The following RSU1 variants were observed in gnomAD, a reference collection of about 807,000 sequenced individuals.
RSU1 encodes the protein rsu-1.
Under a neutral mutation model 31.1 loss-of-function variants are expected in RSU1, and 26 were observed. The observed-to-expected ratio is 0.84, with a 90% CI of 0.61 to 1.16. RSU1 has a LOEUF of 1.16. RSU1 is among the 50% of genes most tolerant of loss of function. The pLI is 0.00. For missense variants in RSU1, 320 were observed against 339.1 expected, an observed-to-expected ratio of 0.94 and a Z score of 0.44; for synonymous variants, 164 against 136.3, an observed-to-expected ratio of 1.20 and a Z score of -1.41.
At chr10:16,674,730 G>A (rs530928488) in intron 8 of RSU1, among the ~76,000 whole-genome samples, 3 of 152,222 alleles carry the variant, frequency 2.0e-5, no homozygotes, top group African/African-American at 4.8e-5. Context: ...GCAAGCCTAA[G>A]GTCATTTAGA....
chr10:16,704,943 G>A (rs767694451), intron 7 of RSU1, among the ~76,000 whole-genome samples: 1 of 151,894 alleles, frequency 6.6e-6, no homozygotes, highest in Non-Finnish European at 1.5e-5. Flanking sequence ...GTAATTTTGT[G>A]CAAACACCAC....
chr10:16,695,512 T>C (rs1364577637), intron 7 of RSU1, among the ~76,000 whole-genome samples: 1 of 152,214 alleles, frequency 6.6e-6, no homozygotes, highest in Non-Finnish European at 1.5e-5. Context: ...GTATGCATCA[T>C]GCCTTGTCCT....
chr10:16,706,493 T>G (rs1835906220), intron 7 of RSU1, among the ~76,000 whole-genome samples: 1 of 152,240 alleles, frequency 6.6e-6, no homozygotes, highest in East Asian at 1.9e-4. Context: ...CTATATACTC[T>G]AAATTTTAAT....
At chr10:16,761,623 G>T (rs551351027) in intron 4 of RSU1, among the ~76,000 whole-genome samples, 1 of 152,110 alleles carries the variant, frequency 6.6e-6, no homozygotes, top group Non-Finnish European at 1.5e-5. Flanking sequence ...TTGGGAGGCC[G>T]AGGCGGGTGG....
intron 8 of RSU1, among the ~76,000 whole-genome samples, chr10:16,655,137 AAT>A: frequency 6.6e-6 from 1 of 152,132 alleles, no homozygotes; most frequent in Admixed American, 6.6e-5. Flanking sequence ...AATGCAATCT[AAT>A]AATTAGTCAA....
At chr10:16,806,406 G>A (rs977731933) in intron 2 of RSU1, among the ~76,000 whole-genome samples, 3 of 152,204 alleles carry the variant, frequency 2.0e-5, no homozygotes, top group African/African-American at 7.2e-5. Context: ...GACGTCTGCA[G>A]GTGTGGCTTC....
At chr10:16,724,471 G>C (rs561891969) in intron 7 of RSU1, among the ~76,000 whole-genome samples, 1 of 152,308 alleles carries the variant, frequency 6.6e-6, no homozygotes, top group South Asian at 2.1e-4. Context: ...ACGCAAGCAT[G>C]ACACAGATTT....
Position 16,755,525 on chromosome 10 carries a change from A to G in RSU1, c.282-536T>C, listed in dbSNP as rs535493617. Among the ~76,000 whole-genome samples, 3 of 152,274 alleles carry G rather than the reference A, an allele frequency of 2.0e-5. No individual in the cohort carries two copies. The South Asian group carries it at 6.2e-4, about 32-fold the overall frequency. ...ATGATACTTCTGATGTATGTATACT[A>G]CATCATGGAATGGTTTAAATCATAC... On this transcript the variant is annotated intron_variant, in intron 4 of 8. Transcript: ENST00000345264.
At chr10:16,604,728 C>A (rs1452077307) in intron 8 of RSU1, among the ~76,000 whole-genome samples, 1 of 152,112 alleles carries the variant, frequency 6.6e-6, no homozygotes, top group Non-Finnish European at 1.5e-5. Context: ...TGTTCAGACT[C>A]CGGGGTCTGG....
chr10:16,726,152 C>T (rs902822323), intron 7 of RSU1, among the ~76,000 whole-genome samples: 1 of 151,758 alleles, frequency 6.6e-6, no homozygotes, highest in Admixed American at 6.6e-5. Context: ...GAAATTACTT[C>T]ATCTGATTTT....
intron 7 of RSU1, among the ~76,000 whole-genome samples, chr10:16,710,261 GATC>G (rs1160484935): frequency 3.9e-5 from 6 of 152,150 alleles, no homozygotes; most frequent in South Asian, 4.1e-4. Context: ...CTACTGAAAT[GATC>G]ATATTGTTTT....
intron 2 of RSU1, among the ~76,000 whole-genome samples, chr10:16,794,083 G>T (rs1197074709): frequency 6.6e-6 from 1 of 152,038 alleles, no homozygotes; most frequent in Non-Finnish European, 1.5e-5. Flanking sequence ...CTGGTTCCTG[G>T]GCCTTCAGAT....
At chr10:16,718,927 G>T (rs1836198677) in intron 7 of RSU1, among the ~76,000 whole-genome samples, 1 of 150,480 alleles carries the variant, frequency 6.6e-6, no homozygotes, top group Non-Finnish European at 1.5e-5. Flanking sequence ...GTTGAAGTGA[G>T]CTGAGATCAT....
At chr10:16,729,297 A>G (rs2131598426) in intron 7 of RSU1, among the ~76,000 whole-genome samples, 1 of 152,336 alleles carries the variant, frequency 6.6e-6, no homozygotes, top group Non-Finnish European at 1.5e-5. Context: ...ACAAAAATAC[A>G]CTTCCAATTC....
intron 8 of RSU1, among the ~76,000 whole-genome samples, chr10:16,618,615 G>A (rs981628314): frequency 6.6e-6 from 1 of 152,168 alleles, no homozygotes; most frequent in African/African-American, 2.4e-5. Flanking sequence ...AGAAAATAGG[G>A]CACATACACA....
chr10:16,800,183 G>A (rs892483655), intron 2 of RSU1, among the ~76,000 whole-genome samples: 3 of 152,082 alleles, frequency 2.0e-5, no homozygotes, highest in African/African-American at 7.2e-5. Context: ...ATCATGTCTG[G>A]CTTACAACAA....
At chr10:16,681,115 C>G (rs1835321615) in intron 8 of RSU1, among the ~76,000 whole-genome samples, 1 of 152,146 alleles carries the variant, frequency 6.6e-6, no homozygotes, top group African/African-American at 2.4e-5. Flanking sequence ...CAACTATCAC[C>G]CTGCTGACTA....
Position 16,747,392 on chromosome 10 carries a change from T to TCA in RSU1, c.598+5146_598+5147insTG, listed in dbSNP as rs200783967. Among the ~76,000 whole-genome samples, 1,200 of 152,306 alleles carry TCA rather than the reference T, an allele frequency of 7.9e-3. 24 individuals are homozygous for TCA. Among genetic ancestry groups the TCA allele is most frequent in the African/African-American group, 0.028 (1,161 of 41,564 alleles). ...CCCTTAAGGCATCTCAAATTTAAGA[T>TCA]ATCTGAGGCTCAGGTCAGGATGACC... is the stretch of plus-strand genomic sequence containing the variant. On this transcript the variant is annotated intron_variant, in intron 7 of 8. Transcript: ENST00000345264.
At chr10:16,719,941 T>A (rs548849466) in intron 7 of RSU1, among the ~76,000 whole-genome samples, 1 of 152,238 alleles carries the variant, frequency 6.6e-6, no homozygotes, top group African/African-American at 2.4e-5. Flanking sequence ...ATGTATATAA[T>A]CTCAGCCCTC....
Sources: gnomAD v4.1 joint callset for allele counts (sites outside exome capture counted in the v4.1 genomes callset) on GRCh38, gnomAD v4.1.1 for gene constraint, MANE v1.5 for transcripts, NCBI Gene and HGNC (gene_info 2026-07-23, HGNC 2026-07-21) for gene names.